Variants in SKAP1 observed in about 807,000 individuals in gnomAD.
SKAP1 encodes src kinase-associated phosphoprotein 1.
In SKAP1, 44 loss-of-function variants were observed where a neutral mutation model predicts 58.5. That is an observed-to-expected ratio of 0.75 (90% confidence interval 0.59 to 0.97). The LOEUF is 0.97. Ranked by LOEUF, SKAP1 falls within the 50% of genes least tolerant of loss-of-function variation. SKAP1 has a pLI of 0.00. For missense variants in SKAP1, 390 were observed against 435.2 expected (o/e 0.90, Z 0.92); for synonymous variants, 127 against 149.7 (o/e 0.85, Z 1.11).
intron 4 of SKAP1, among the ~76,000 whole-genome samples, chr17:48,321,858 T>A (rs113999190): frequency 0.028 from 4,248 of 152,246 alleles, 147 homozygotes; most frequent in African/African-American, 0.084. Context: ...TGTGATTTTT[T>A]AAAAAATACT....
chr17:48,407,930 G>C (rs568833689), intron 1 of SKAP1, among the ~76,000 whole-genome samples: 50 of 151,696 alleles, frequency 3.3e-4, no homozygotes, highest in African/African-American at 1.1e-3. Context: ...TTTTCAGAGG[G>C]GGGGGAATCC....
chr17:48,182,310 A>C, intron 8 of SKAP1, 84 bp downstream of exon 8: 1 of 985,196 alleles, frequency 1.0e-6, no homozygotes, highest in East Asian at 2.4e-5. Flanking sequence ...AAAAATACAT[A>C]CTGAAGTCTG....
the SKAP1 span, among the ~76,000 whole-genome samples, chr17:48,438,704 CT>C: frequency 6.6e-6 from 1 of 152,198 alleles, no homozygotes; most frequent in Non-Finnish European, 1.5e-5. Context: ...CCTCTTTTCA[CT>C]TATTGCAGCA....
intron 4 of SKAP1, among the ~76,000 whole-genome samples, chr17:48,287,620 T>G (rs1220830751): frequency 6.6e-6 from 1 of 152,194 alleles, no homozygotes; most frequent in Non-Finnish European, 1.5e-5. Flanking sequence ...TAAAAACTTC[T>G]CAGTACTAAT....
intron 4 of SKAP1, among the ~76,000 whole-genome samples, chr17:48,257,903 A>C (rs2065443055): frequency 6.6e-6 from 1 of 152,010 alleles, no homozygotes; most frequent in African/African-American, 2.4e-5. Context: ...GAATGCATGC[A>C]AGAGGTTGAT....
chr17:48,184,610 A>C (rs1485096674), intron 7 of SKAP1, 113 bp downstream of exon 7: 2 of 1,340,738 alleles, frequency 1.5e-6, no homozygotes, highest in East Asian at 4.6e-5. Context: ...TTGGCATGAA[A>C]TGAGCAGGTA....
chr17:48,378,759 T>A (rs550729438), intron 2 of SKAP1, among the ~76,000 whole-genome samples: 1 of 152,268 alleles, frequency 6.6e-6, no homozygotes, highest in African/African-American at 2.4e-5. Context: ...AGCATCTTCT[T>A]GTCTCTCTGT....
chr17:48,192,674 G>C (rs1330583129), intron 4 of SKAP1, among the ~76,000 whole-genome samples: 2 of 152,134 alleles, frequency 1.3e-5, no homozygotes, highest in Non-Finnish European at 2.9e-5. Flanking sequence ...GAATTACCCA[G>C]GGGGGAGGAA....
intron 4 of SKAP1, among the ~76,000 whole-genome samples, chr17:48,210,227 T>C (rs979270466): frequency 5.9e-5 from 9 of 152,156 alleles, no homozygotes; most frequent in South Asian, 2.1e-4. Context: ...CCATTATCAG[T>C]CATCGACACC....
At chr17:48,379,382 C>T (rs980829253) in intron 2 of SKAP1, among the ~76,000 whole-genome samples, 1 of 152,182 alleles carries the variant, frequency 6.6e-6, no homozygotes, top group African/African-American at 2.4e-5. Flanking sequence ...CATTATTTCA[C>T]TCATTCACAC....
intron 1 of SKAP1, among the ~76,000 whole-genome samples, chr17:48,397,512 C>T: frequency 6.6e-6 from 1 of 152,286 alleles, no homozygotes; most frequent in Admixed American, 6.5e-5. Flanking sequence ...AGGCGTGAGC[C>T]ACCGCGCCCG....
At chr17:48,413,989 C>A (rs200006123) in intron 1 of SKAP1, among the ~76,000 whole-genome samples, 1 of 152,082 alleles carries the variant, frequency 6.6e-6, no homozygotes, top group Non-Finnish European at 1.5e-5. Flanking sequence ...AGGCAAAAAT[C>A]AAAAACAACC....
chr17:48,206,014 C>G (rs1029934791), intron 4 of SKAP1, among the ~76,000 whole-genome samples: 31 of 152,060 alleles, frequency 2.0e-4, no homozygotes, highest in African/African-American at 7.5e-4. Context: ...CCCAGGATGA[C>G]AGCTGTGCAG....
At chr17:48,207,391 C>T (rs2143651607) in intron 4 of SKAP1, among the ~76,000 whole-genome samples, 1 of 150,168 alleles carries the variant, frequency 6.7e-6, no homozygotes, top group East Asian at 2.0e-4. Flanking sequence ...GAGGCTGAGG[C>T]ACAAGAATTG....
At chr17:48,354,224 T>A (rs1004333780) in intron 3 of SKAP1, among the ~76,000 whole-genome samples, 2 of 152,132 alleles carry the variant, frequency 1.3e-5, no homozygotes, top group Admixed American at 1.3e-4. Flanking sequence ...CCATGCCACA[T>A]CCCACTCCAA....
chr17:48,349,957 T>A (rs2066777058), intron 3 of SKAP1, among the ~76,000 whole-genome samples: 1 of 152,344 alleles, frequency 6.6e-6, no homozygotes, highest in East Asian at 1.9e-4. Context: ...TGCCACAGAT[T>A]CAACCAGCTG....
chr17:48,247,445 C>G (rs2065308961), intron 4 of SKAP1, among the ~76,000 whole-genome samples: 1 of 152,162 alleles, frequency 6.6e-6, no homozygotes, highest in African/African-American at 2.4e-5. Flanking sequence ...GCAAGCTAAG[C>G]CCAATACAAT....
Position 48,320,895 on chromosome 17 carries a change from T to C in SKAP1, c.280+25010A>G, listed in dbSNP as rs138444086. Among the ~76,000 whole-genome samples the C allele has an allele frequency of 3.7e-4, 56 of 152,336 alleles. No homozygotes were observed. In the East Asian group the frequency reaches 4.6e-3, roughly 13 times the overall value. ...CTGGGCAAGGAGCAGCAGAAGGCTG[T>C]GATTATTGAATACATTACACGTCAA... On this transcript the variant is annotated intron_variant, in intron 4 of 12. Coordinates refer to ENST00000336915, the MANE Select transcript of SKAP1 (RefSeq NM_003726.4).
At chr17:48,238,423 C>G (rs1032621824) in intron 4 of SKAP1, among the ~76,000 whole-genome samples, 3 of 151,808 alleles carry the variant, frequency 2.0e-5, no homozygotes, top group African/African-American at 7.3e-5. Context: ...TTTTTTGAGA[C>G]AGGGTCTCAT....
Sources: allele counts gnomAD v4.1 joint callset (sites outside exome capture counted in the v4.1 genomes callset), GRCh38; gene constraint gnomAD v4.1.1; transcripts MANE v1.5; gene names NCBI Gene and HGNC (gene_info 2026-07-23, HGNC 2026-07-21).